The following KANK1 variants were observed in gnomAD, a reference collection of about 807,000 sequenced individuals.
KANK1 encodes the protein KN motif and ankyrin repeat domain-containing protein 1.
A neutral mutation model predicts 106.2 loss-of-function variants in KANK1; 109 were observed. That is an observed-to-expected ratio of 1.03 (90% confidence interval 0.88 to 1.20). KANK1 has a LOEUF of 1.20. Among genes scored for constraint, KANK1 ranks in the 50% most tolerant of loss-of-function variants. The pLI is 0.00. For missense variants in KANK1, 2,399 were observed against 1,710.7 expected (o/e 1.40, Z -7.10); for synonymous variants, 873 against 652.2 (o/e 1.34, Z -5.16).
chr9:551,130 A>C lies in KANK1; in HGVS notation c.-84+46376A>C, dbSNP rs548178672. ...ATGGTTAATACAACATGTGTGGCTC[A>C]GTATAACCAGATTGTCATAAGAAGC... On this transcript the variant is annotated intron_variant, in intron 1 of 11. Coordinates refer to ENST00000382297, the MANE Select transcript of KANK1 (RefSeq NM_015158.5). Among the ~76,000 whole-genome samples, 62 of 152,104 alleles carry C rather than the reference A, an allele frequency of 4.1e-4. No homozygotes were observed. In the Middle Eastern group the frequency reaches 0.014, roughly 33 times the overall value.
chr9:712,323 G>A lies in KANK1; in HGVS notation c.1557G>A (p.Val519=). The change falls in exon 3 of 12, where the codon GTG becomes GTA. Residue 519 remains valine (V), a synonymous_variant. Coordinates refer to ENST00000382297, the MANE Select transcript of KANK1 (RefSeq NM_015158.5). ...TTTTCAGTAAGGTGGTGGAGGCAGT[G>A]GTGCAGACCAGAGACCAAATGGTCG... ...PLVFSKVVEA[V]VQTRDQMVGS... 2 of 1,614,176 alleles carry A rather than the reference G, an allele frequency of 1.2e-6. No individual in the cohort carries two copies. Among genetic ancestry groups the A allele is most frequent in the Non-Finnish European group, 1.7e-6 (2 of 1,180,040 alleles).
intron 8 of KANK1, among the ~76,000 whole-genome samples, chr9:738,933 G>C (rs1265840583): frequency 1.3e-5 from 2 of 152,186 alleles, no homozygotes; most frequent in African/African-American, 2.4e-5. Context: ...CATGACTGCT[G>C]TCCTTGCAGA....
chr9:633,444 C>T (rs982440880), intron 1 of KANK1, among the ~76,000 whole-genome samples: 3 of 152,010 alleles, frequency 2.0e-5, no homozygotes, highest in South Asian at 2.1e-4. Flanking sequence ...GGTGACAGAG[C>T]GAGACTCCGT....
intron 8 of KANK1, among the ~76,000 whole-genome samples, chr9:738,843 GCA>G (rs1176289543): frequency 6.6e-6 from 1 of 152,182 alleles, no homozygotes; most frequent in Non-Finnish European, 1.5e-5. Context: ...TGGCCGGTTT[GCA>G]CTCAGGAGGC....
At chr9:705,941 C>T (rs1355460603) in intron 2 of KANK1, among the ~76,000 whole-genome samples, 3 of 151,840 alleles carry the variant, frequency 2.0e-5, no homozygotes, top group Non-Finnish European at 4.4e-5. Flanking sequence ...TCTCTGGGTG[C>T]TTATAGTCTG....
chr9:568,486 T>G (rs1818362887), intron 1 of KANK1, among the ~76,000 whole-genome samples: 1 of 152,312 alleles, frequency 6.6e-6, no homozygotes, highest in Non-Finnish European at 1.5e-5. Flanking sequence ...AGACTTGCTC[T>G]GTGACCCAGG....
intron 2 of KANK1, among the ~76,000 whole-genome samples, chr9:690,805 C>T (rs2139457773): frequency 6.6e-6 from 1 of 152,314 alleles, no homozygotes; most frequent in East Asian, 1.9e-4. Flanking sequence ...TCCAAAGCCA[C>T]CATCCCAGGG....
intron 1 of KANK1, among the ~76,000 whole-genome samples, chr9:557,886 T>A (rs1815263512): frequency 6.6e-6 from 1 of 152,194 alleles, no homozygotes; most frequent in African/African-American, 2.4e-5. Flanking sequence ...ACGCCTGTGG[T>A]CTCAGCGACT....
intron 1 of KANK1, among the ~76,000 whole-genome samples, chr9:643,604 C>G (rs1049332688): frequency 6.0e-5 from 8 of 133,306 alleles, no homozygotes; most frequent in African/African-American, 2.2e-4. Context: ...AAGCTGGTCT[C>G]GAACTCCTGG....
At chr9:706,887 AG>A in intron 2 of KANK1, 1 of 985,476 alleles carries the variant, frequency 1.0e-6, no homozygotes, top group East Asian at 1.1e-4. Context: ...TGACTAGTAT[AG>A]GAAAAACAGA....
At chr9:635,256 T>G (rs73384990) in intron 1 of KANK1, among the ~76,000 whole-genome samples, 2 of 152,048 alleles carry the variant, frequency 1.3e-5, no homozygotes, top group Non-Finnish European at 2.9e-5. Context: ...CCTCTAGATT[T>G]TAGGTACCCA....
chr9:639,482 A>C (rs1472890886), intron 1 of KANK1, among the ~76,000 whole-genome samples: 1 of 151,932 alleles, frequency 6.6e-6, no homozygotes, highest in African/African-American at 2.4e-5. Flanking sequence ...ACACCTGGCT[A>C]GTTTTTGTAT....
At chr9:486,538 C>T (rs376113821) in intron 3 of KANK1, among the ~76,000 whole-genome samples, 55 of 152,232 alleles carry the variant, frequency 3.6e-4, no homozygotes, top group African/African-American at 1.3e-3. Context: ...ATAACTTCTC[C>T]AAGGTTATAT....
At chr9:572,931 G>T (rs1170703034) in intron 1 of KANK1, among the ~76,000 whole-genome samples, 1 of 152,132 alleles carries the variant, frequency 6.6e-6, no homozygotes, top group Non-Finnish European at 1.5e-5. Flanking sequence ...TTCATACTTT[G>T]CAGTCTCATT....
intron 3 of KANK1, among the ~76,000 whole-genome samples, chr9:497,136 C>A (rs1166682445): frequency 6.6e-6 from 1 of 152,006 alleles, no homozygotes; most frequent in Admixed American, 6.6e-5. Flanking sequence ...ACAGTTGTTT[C>A]CAGGAACCAG....
In KANK1 at chr9:486,309, C is replaced by T. The variant is rs895933849; in HGVS notation, c.-362+13036C>T. The stretch of plus-strand genomic sequence containing the variant: ...TGTAACTCTGAATTTGATTTTGTAA[C>T]CCTGAATTTGATCCTGTCTTTCCTC... On this transcript the variant is annotated intron_variant, in intron 3 of 15. Transcript: ENST00000382303. Among the ~76,000 whole-genome samples, 6 of 152,310 alleles carry T rather than the reference C, an allele frequency of 3.9e-5. No homozygotes were observed. The South Asian group carries it at 1.2e-3, about 32-fold the overall frequency.
At chr9:745,149 T>C in intron 11 of KANK1, 24 bp from the exon 12 acceptor site, 1 of 1,612,250 alleles carries the variant, frequency 6.2e-7, no homozygotes, top group East Asian at 2.2e-5. Context: ...TAACCCCCAG[T>C]TTTTTTCCTT....
chr9:609,398 A>C (rs1167114815), intron 1 of KANK1, among the ~76,000 whole-genome samples: 95 of 152,160 alleles, frequency 6.2e-4, no homozygotes, highest in African/African-American at 2.1e-3. Flanking sequence ...GAGGCCGAGG[A>C]GGGCGGATCA....
intron 1 of KANK1, among the ~76,000 whole-genome samples, chr9:620,331 TA>T (rs904670693): frequency 1.3e-5 from 2 of 152,062 alleles, no homozygotes; most frequent in African/African-American, 2.4e-5. Context: ...GCCCCCTAAA[TA>T]AAACCTGCTT....
Sources: gnomAD v4.1 joint callset for allele counts (sites outside exome capture counted in the v4.1 genomes callset) on GRCh38, gnomAD v4.1.1 for gene constraint, MANE v1.5 for transcripts, NCBI Gene and HGNC (gene_info 2026-07-23, HGNC 2026-07-21) for gene names.